LRRC4C: variants seen among roughly 807,000 people sequenced by gnomAD.
The protein encoded by LRRC4C is leucine rich repeat containing 4C.
Under a neutral mutation model 33.6 loss-of-function variants are expected in LRRC4C, and 5 were observed. The observed-to-expected ratio is 0.15, with a 90% CI of 0.08 to 0.31. The LOEUF is 0.31. Among genes scored for constraint, LRRC4C ranks in the 10% least tolerant of loss-of-function variants. The pLI, the probability that LRRC4C is intolerant of heterozygous loss-of-function variation, is 1.00. For missense variants in LRRC4C, 560 were observed against 796.7 expected (o/e 0.70, Z 3.58); for synonymous variants, 329 against 302.0 (o/e 1.09, Z -0.93).
At chr11:41,445,193 G>A (rs1011543350) in intron 1 of LRRC4C, among the ~76,000 whole-genome samples, 3 of 152,116 alleles carry the variant, frequency 2.0e-5, no homozygotes, top group Non-Finnish European at 4.4e-5. Context: ...TGCAACCTTC[G>A]CTTCACCATC....
At chr11:41,226,895 T>C (rs1424785169) in intron 1 of LRRC4C, among the ~76,000 whole-genome samples, 7 of 152,076 alleles carry the variant, frequency 4.6e-5, no homozygotes. Flanking sequence ...CATCTATAAA[T>C]ACGTACATGA....
chr11:40,303,731 C>T (rs1370412936), intron 4 of LRRC4C, among the ~76,000 whole-genome samples: 1 of 152,044 alleles, frequency 6.6e-6, no homozygotes, highest in Non-Finnish European at 1.5e-5. Context: ...AAGCACCATA[C>T]TGGGCCACTT....
At chr11:41,033,505 G>T (rs1369880368) in intron 1 of LRRC4C, among the ~76,000 whole-genome samples, 2 of 151,472 alleles carry the variant, frequency 1.3e-5, no homozygotes, top group Non-Finnish European at 3.0e-5. Flanking sequence ...TTATATACAG[G>T]GTGACCATTT....
At chr11:41,268,744 T>C (rs1012592232) in intron 1 of LRRC4C, among the ~76,000 whole-genome samples, 2 of 152,000 alleles carry the variant, frequency 1.3e-5, no homozygotes, top group African/African-American at 4.8e-5. Flanking sequence ...GTTGATGCAA[T>C]AGATGATATG....
chr11:40,622,026 G>A (rs1014354077), intron 3 of LRRC4C, among the ~76,000 whole-genome samples: 2 of 151,790 alleles, frequency 1.3e-5, no homozygotes, highest in African/African-American at 2.4e-5. Flanking sequence ...CTAAGGATGT[G>A]TAGATGACTT....
intron 1 of LRRC4C, among the ~76,000 whole-genome samples, chr11:41,402,436 T>C (rs1954061346): frequency 6.6e-6 from 1 of 152,072 alleles, no homozygotes; most frequent in South Asian, 2.1e-4. Flanking sequence ...TCAGTGCTTA[T>C]GTCCATTGAT....
chr11:40,138,835 T>A (rs1456285091), intron 6 of LRRC4C, among the ~76,000 whole-genome samples: 1 of 152,174 alleles, frequency 6.6e-6, no homozygotes, highest in Non-Finnish European at 1.5e-5. Context: ...GAAATATCAT[T>A]CTGGGTTGAA....
At chr11:40,477,468 T>A (rs1291421011) in intron 3 of LRRC4C, among the ~76,000 whole-genome samples, 1 of 152,192 alleles carries the variant, frequency 6.6e-6, no homozygotes, top group African/African-American at 2.4e-5. Context: ...GATGCATCAA[T>A]ATATTCATTA....
intron 4 of LRRC4C, among the ~76,000 whole-genome samples, chr11:40,263,767 G>A (rs773834813): frequency 4.6e-5 from 7 of 152,182 alleles, no homozygotes; most frequent in Admixed American, 2.0e-4. Context: ...CAGAATGTGA[G>A]CATAACTGAT....
intron 2 of LRRC4C, among the ~76,000 whole-genome samples, chr11:40,828,602 G>A (rs1468752124): frequency 6.6e-6 from 1 of 151,862 alleles, no homozygotes; most frequent in Non-Finnish European, 1.5e-5. Flanking sequence ...ATACAAATGT[G>A]TCCTACCATA....
intron 2 of LRRC4C, among the ~76,000 whole-genome samples, chr11:40,699,697 CA>C (rs1379165710): frequency 6.6e-6 from 1 of 152,130 alleles, no homozygotes; most frequent in Non-Finnish European, 1.5e-5. Flanking sequence ...TACACACACA[CA>C]CATATAATTT....
intron 3 of LRRC4C, among the ~76,000 whole-genome samples, chr11:40,608,387 A>G (rs1326128232): frequency 6.6e-6 from 1 of 152,018 alleles, no homozygotes; most frequent in African/African-American, 2.4e-5. Flanking sequence ...TAGAAGACAC[A>G]AAAAAGAAAA....
At chr11:40,879,635 GAC>G (rs1447376537) in intron 2 of LRRC4C, among the ~76,000 whole-genome samples, 1 of 152,060 alleles carries the variant, frequency 6.6e-6, no homozygotes, top group South Asian at 2.1e-4. Context: ...GCAGCAAACA[GAC>G]ACACACACGC....
intron 2 of LRRC4C, among the ~76,000 whole-genome samples, chr11:40,918,095 G>A (rs890553156): frequency 2.6e-5 from 4 of 152,048 alleles, no homozygotes; most frequent in Non-Finnish European, 5.9e-5. Context: ...ATGATTGGTC[G>A]ATCAGGAGCC....
chr11:40,682,270 G>GAA (rs201342953), intron 2 of LRRC4C, among the ~76,000 whole-genome samples: 4 of 127,320 alleles, frequency 3.1e-5, no homozygotes, highest in African/African-American at 1.1e-4. Context: ...GCCCCACCTT[G>GAA]AAAAAAAAAA....
chr11:41,097,565 A>G (rs1289420625), intron 1 of LRRC4C, among the ~76,000 whole-genome samples: 1 of 152,172 alleles, frequency 6.6e-6, no homozygotes, highest in Non-Finnish European at 1.5e-5. Context: ...TGGAGAAACC[A>G]TTGAAGAACC....
intron 2 of LRRC4C, among the ~76,000 whole-genome samples, chr11:40,650,833 G>A (rs768892789): frequency 7.2e-5 from 11 of 152,098 alleles, no homozygotes; most frequent in Non-Finnish European, 1.6e-4. Context: ...CAGCCCATAA[G>A]AATCATTATG....
chr11:40,534,800 A>G (rs768059578), intron 3 of LRRC4C, among the ~76,000 whole-genome samples: 1 of 152,198 alleles, frequency 6.6e-6, no homozygotes, highest in Non-Finnish European at 1.5e-5. Flanking sequence ...TACTATTTGA[A>G]ATTTAAGAAG....
intron 3 of LRRC4C, among the ~76,000 whole-genome samples, chr11:40,384,845 C>G (rs567935022): frequency 6.6e-6 from 1 of 152,032 alleles, no homozygotes; most frequent in African/African-American, 2.4e-5. Context: ...TAATTCATTA[C>G]CTTCTAGATT....
Sources: allele counts gnomAD v4.1 joint callset (sites outside exome capture counted in the v4.1 genomes callset), GRCh38; gene constraint gnomAD v4.1.1; transcripts MANE v1.5; gene names NCBI Gene and HGNC (gene_info 2026-07-23, HGNC 2026-07-21).